Variants in OSBP2 observed in about 807,000 individuals in gnomAD.
The protein encoded by OSBP2 is oxysterol-binding protein 2.
Under a neutral mutation model 96.0 loss-of-function variants are expected in OSBP2, and 66 were observed. That is an observed-to-expected ratio of 0.69 (90% CI 0.56 to 0.84). The LOEUF is 0.84. OSBP2 is among the 40% of genes least tolerant of loss of function. The probability of loss-of-function intolerance (pLI) is 0.00; values close to 1 mark genes in which losing one functional copy is unlikely to be tolerated. For missense variants in OSBP2, 1,038 were observed against 1,222.7 expected, an observed-to-expected ratio of 0.85 and a Z score of 2.25; for synonymous variants, 525 against 520.9, an observed-to-expected ratio of 1.01 and a Z score of -0.11.
At chr22:30,889,282 A>C in intron 6 of OSBP2, 48 bp downstream of exon 6, 1 of 1,544,906 alleles carries the variant, frequency 6.5e-7, no homozygotes, top group Non-Finnish European at 8.9e-7. Context: ...CTTCTGGCCT[A>C]GGGGGTGGGA....
Position 30,881,674 on chromosome 22 carries a change from C to A in OSBP2, c.1108-5752C>A, listed in dbSNP as rs1241619717. On this transcript the variant is annotated intron_variant, in intron 3 of 13. Coordinates refer to ENST00000332585, the MANE Select transcript of OSBP2 (RefSeq NM_030758.4). This position sits in a 1 kb window ranked among gnomAD's most constrained non-coding sequence, Gnocchi z 4.5. ...GCTTATCAAGCACACAGCACACAGCCCAGCTCAGCATTCTGAGAACAGCAG... is the reference window on the plus strand; with the variant it reads ...GCTTATCAAGCACACAGCACACAGCACAGCTCAGCATTCTGAGAACAGCAG... 1 of 1,304,116 alleles carries A rather than the reference C, an allele frequency of 7.7e-7. No homozygotes were observed. The highest frequency in any genetic ancestry group is 2.3e-5 in the Admixed American group (1 of 43,572). The allele number at this position is 1,304,116 out of a possible 1,614,324, so 80.8% of individuals were successfully genotyped here.
At chr22:30,764,129 G>A (rs2090240677) in intron 2 of OSBP2, 2 of 494,040 alleles carry the variant, frequency 4.0e-6, no homozygotes, top group Non-Finnish European at 5.2e-6. Flanking sequence ...CTAGCCTAGC[G>A]CCTCAGGGGC....
chr22:30,814,070 G>A (rs2091049638), intron 2 of OSBP2, among the ~76,000 whole-genome samples: 1 of 152,074 alleles, frequency 6.6e-6, no homozygotes, highest in Non-Finnish European at 1.5e-5. Flanking sequence ...GGGATTACAG[G>A]CATGAACCAC....
intron 12 of OSBP2, among the ~76,000 whole-genome samples, chr22:30,897,952 GA>G (rs199929883): frequency 0.05 from 5,265 of 105,280 alleles, 255 homozygotes; most frequent in African/African-American, 0.15. Context: ...TCCGTCTCAG[GA>G]AAAAAAAAAA....
intron 1 of OSBP2, among the ~76,000 whole-genome samples, chr22:30,699,026 C>A (rs1242435087): frequency 6.6e-6 from 1 of 152,158 alleles, no homozygotes; most frequent in Non-Finnish European, 1.5e-5. Flanking sequence ...ACTACACCCT[C>A]CCACTCCCAG....
chr22:30,878,867 C>T (rs1356265961), intron 3 of OSBP2, among the ~76,000 whole-genome samples: 2 of 151,908 alleles, frequency 1.3e-5, no homozygotes, highest in Admixed American at 6.5e-5. Context: ...GGAGTCGGCT[C>T]GGGGGACACT....
chr22:30,890,215 C>T lies in OSBP2; in HGVS notation c.1624-513C>T, dbSNP rs182972165. On this transcript the variant is annotated intron_variant, in intron 7 of 13. Transcript: ENST00000332585. The surrounding 1 kb of genome is among the most constrained non-coding windows in gnomAD (Gnocchi z 4.4). Reference sequence around the variant, plus strand: ...TCTGGGAGGATGGAGCAAGATAACACGAGGAAGCTGAGACTCGTACCCGAT... The same window carrying T: ...TCTGGGAGGATGGAGCAAGATAACATGAGGAAGCTGAGACTCGTACCCGAT... 3.3e-5 allele frequency among the ~76,000 whole-genome samples: 5 copies of T among 152,222 alleles called. No homozygotes were observed. In the East Asian group the frequency reaches 5.8e-4, roughly 18 times the overall value.
At chr22:30,796,141 G>T (rs1040142238) in intron 2 of OSBP2, among the ~76,000 whole-genome samples, 3 of 152,110 alleles carry the variant, frequency 2.0e-5, no homozygotes, top group African/African-American at 7.2e-5. Flanking sequence ...ATGCAAGGAA[G>T]GCATTGAGTC....
At chr22:30,746,121 T>C (rs1231548643) in intron 2 of OSBP2, among the ~76,000 whole-genome samples, 2 of 152,136 alleles carry the variant, frequency 1.3e-5, no homozygotes, top group South Asian at 2.1e-4. Context: ...CTACCAAACA[T>C]TTAAAGAACT....
chr22:30,725,026 A>G (rs1320059926), intron 1 of OSBP2, among the ~76,000 whole-genome samples: 2 of 141,034 alleles, frequency 1.4e-5, no homozygotes, highest in East Asian at 4.3e-4. Flanking sequence ...ACAAAAAAAA[A>G]TTAGCCGGGC....
At chr22:30,878,396 A>C (rs1418456091) in intron 3 of OSBP2, among the ~76,000 whole-genome samples, 2 of 152,164 alleles carry the variant, frequency 1.3e-5, no homozygotes, top group Admixed American at 6.5e-5. Context: ...CTCTGAGCTG[A>C]AGGCAGGGAC....
chr22:30,752,223 G>A (rs895601056), intron 2 of OSBP2, among the ~76,000 whole-genome samples: 3 of 145,286 alleles, frequency 2.1e-5, no homozygotes, highest in Admixed American at 6.9e-5. Flanking sequence ...GAACTTGCCA[G>A]TTGCCTAAAA....
chr22:30,812,172 A>G (rs928257745), intron 2 of OSBP2, among the ~76,000 whole-genome samples: 4 of 151,120 alleles, frequency 2.6e-5, no homozygotes, highest in African/African-American at 9.7e-5. Flanking sequence ...TTTATTTTTT[A>G]TTTTTTTATT....
intron 2 of OSBP2, among the ~76,000 whole-genome samples, chr22:30,791,981 A>G (rs2090682063): frequency 1.3e-5 from 2 of 152,210 alleles, no homozygotes; most frequent in South Asian, 4.1e-4. Context: ...TCATAATCAA[A>G]ACAGGAAAAA....
intron 12 of OSBP2, among the ~76,000 whole-genome samples, chr22:30,899,664 T>A (rs2040153821): frequency 6.6e-6 from 1 of 152,132 alleles, no homozygotes; most frequent in South Asian, 2.1e-4. Flanking sequence ...CAAATTAGGC[T>A]AAACTAGCAG....
At chr22:30,882,605 G>A (rs961352318) in intron 3 of OSBP2, among the ~76,000 whole-genome samples, 1 of 152,088 alleles carries the variant, frequency 6.6e-6, no homozygotes, top group East Asian at 1.9e-4. Flanking sequence ...GCTGGCATCA[G>A]AATCAGCAGG....
intron 13 of OSBP2, 22 bp from the exon 14 acceptor site, chr22:30,906,175 G>T (rs2040333549): frequency 6.2e-7 from 1 of 1,613,782 alleles, no homozygotes; most frequent in African/African-American, 1.3e-5. Flanking sequence ...CCACCCACCA[G>T]CCCACTGTGC....
chr22:30,835,123 T>C (rs541568577), intron 2 of OSBP2, among the ~76,000 whole-genome samples: 1 of 152,334 alleles, frequency 6.6e-6, no homozygotes, highest in South Asian at 2.1e-4. Context: ...TTCTTGATAG[T>C]ATCACTTGCA....
At position 30,871,058 on chromosome 22, in the gene OSBP2, T is replaced by C. The variant is rs540104923; in HGVS notation, c.1107+376T>C. 6.6e-6 allele frequency among the ~76,000 whole-genome samples: 1 copy of C among 152,200 alleles called. No homozygotes were observed. The highest frequency in any genetic ancestry group is 2.1e-4 in the South Asian group (1 of 4,812). ...TGCCACACTGGCCCTCGGTGGCTGC[T>C]ACTCCTCCTCCCTGGGTTCACTCCC... On this transcript the variant is annotated intron_variant, in intron 3 of 13. Coordinates refer to ENST00000332585, the MANE Select transcript of OSBP2 (RefSeq NM_030758.4). This position sits in a 1 kb window ranked among gnomAD's most constrained non-coding sequence, Gnocchi z 4.7.
Sources: gnomAD v4.1 joint callset for allele counts (sites outside exome capture counted in the v4.1 genomes callset) on GRCh38, gnomAD v4.1.1 for gene constraint, Gnocchi (gnomAD v3.1) non-coding constraint, MANE v1.5 for transcripts, NCBI Gene and HGNC (gene_info 2026-07-23, HGNC 2026-07-21) for gene names.